The following RPH3A variants were observed in gnomAD, a reference collection of about 807,000 sequenced individuals.
The protein encoded by RPH3A is rabphilin-3A.
In RPH3A, 48 loss-of-function variants were observed where a neutral mutation model predicts 102.2. The ratio of observed to expected loss-of-function variants is 0.47; its 90% CI spans 0.37 to 0.60. RPH3A has a LOEUF of 0.60. Among genes scored for constraint, RPH3A ranks in the 20% least tolerant of loss-of-function variants. The pLI, the probability that RPH3A is intolerant of heterozygous loss-of-function variation, is 0.00. For missense variants in RPH3A, 781 were observed against 910.1 expected, an observed-to-expected ratio of 0.86 and a Z score of 1.83; for synonymous variants, 310 against 324.3, an observed-to-expected ratio of 0.96 and a Z score of 0.47.
intron 5 of RPH3A, among the ~76,000 whole-genome samples, 193 bp from the exon 6 acceptor site, chr12:112,865,221 G>A (rs2042588067): frequency 6.6e-6 from 1 of 152,128 alleles, no homozygotes; most frequent in African/African-American, 2.4e-5. Context: ...GTGGGAGGGA[G>A]GTCTTTGGTA....
chr12:112,674,500 C>T (rs1321919200), intron 1 of RPH3A, among the ~76,000 whole-genome samples: 2 of 152,170 alleles, frequency 1.3e-5, no homozygotes, highest in Admixed American at 6.5e-5. Flanking sequence ...TGCTGGACCT[C>T]TTTTGTTGGA....
intron 1 of RPH3A, among the ~76,000 whole-genome samples, chr12:112,581,327 C>T (rs1056626656): frequency 2.0e-5 from 3 of 152,100 alleles, no homozygotes; most frequent in Non-Finnish European, 4.4e-5. Flanking sequence ...AACCATCAGA[C>T]CTCGTGAGGC....
chr12:112,704,653 G>A (rs2040416371), intron 1 of RPH3A, among the ~76,000 whole-genome samples: 1 of 152,218 alleles, frequency 6.6e-6, no homozygotes, highest in Non-Finnish European at 1.5e-5. Context: ...CAGTCCTGCT[G>A]ATGGGGGATG....
intron 1 of RPH3A, among the ~76,000 whole-genome samples, chr12:112,774,630 C>T (rs919546896): frequency 3.3e-5 from 5 of 152,162 alleles, no homozygotes; most frequent in African/African-American, 4.8e-5. Flanking sequence ...GTCCTTTGCA[C>T]ATGGATGAAG....
intron 2 of RPH3A, among the ~76,000 whole-genome samples, chr12:112,808,305 A>G (rs918269474): frequency 1.3e-5 from 2 of 152,234 alleles, no homozygotes; most frequent in African/African-American, 4.8e-5. Flanking sequence ...TAACCTGATT[A>G]ATCACATTAA....
At chr12:112,706,440 T>G (rs943150188) in intron 1 of RPH3A, among the ~76,000 whole-genome samples, 1 of 152,180 alleles carries the variant, frequency 6.6e-6, no homozygotes, top group South Asian at 2.1e-4. Context: ...TTCTATTCTC[T>G]TCTCCTTTTC....
chr12:112,688,775 A>C (rs2136020743), intron 1 of RPH3A, among the ~76,000 whole-genome samples: 1 of 152,346 alleles, frequency 6.6e-6, no homozygotes, highest in South Asian at 2.1e-4. Context: ...TATGTCAAAG[A>C]ATTTCCAGCC....
At chr12:112,877,569 C>A in intron 13 of RPH3A, among the ~76,000 whole-genome samples, 1 of 152,208 alleles carries the variant, frequency 6.6e-6, no homozygotes, top group East Asian at 1.9e-4. Context: ...TGGGTGGGGA[C>A]ATTACCAGTT....
At chr12:112,576,067 T>C (rs1436739219) in intron 1 of RPH3A, among the ~76,000 whole-genome samples, 1 of 152,216 alleles carries the variant, frequency 6.6e-6, no homozygotes, top group Non-Finnish European at 1.5e-5. Context: ...TATTCATTCA[T>C]TGAATCCTCA....
intron 1 of RPH3A, among the ~76,000 whole-genome samples, chr12:112,726,822 A>C (rs1426287168): frequency 2.0e-5 from 3 of 152,160 alleles, no homozygotes; most frequent in Admixed American, 6.5e-5. Context: ...CAGGAGTTCG[A>C]GACCAGACTG....
intron 5 of RPH3A, among the ~76,000 whole-genome samples, chr12:112,854,201 A>G (rs1418442789): frequency 6.6e-6 from 1 of 152,202 alleles, no homozygotes; most frequent in East Asian, 1.9e-4. Flanking sequence ...CCCAGTTGCA[A>G]CAACTAAAAA....
At chr12:112,587,899 C>T (rs369029576) in intron 1 of RPH3A, among the ~76,000 whole-genome samples, 124 of 152,184 alleles carry the variant, frequency 8.1e-4, no homozygotes, top group African/African-American at 2.8e-3. Flanking sequence ...TGTGAGCCCT[C>T]GGTGAATGTT....
At chr12:112,842,465 G>A (rs1035904586) in intron 4 of RPH3A, among the ~76,000 whole-genome samples, 2 of 152,154 alleles carry the variant, frequency 1.3e-5, no homozygotes, top group African/African-American at 4.8e-5. Flanking sequence ...TCCTAAGGTT[G>A]CACATCCAGG....
rs897757907 is a variant in RPH3A at position 112,780,145 on chromosome 12, T to C, written c.-139-11998T>C. On this transcript the variant is annotated intron_variant, in intron 1 of 21. Transcript: ENST00000543106. ...TCTGTTCTTCCTTTTCTCCCCTTTATGTAACCAGCACTCTCATAATGCCTC... is the reference window on the plus strand; with the variant it reads ...TCTGTTCTTCCTTTTCTCCCCTTTACGTAACCAGCACTCTCATAATGCCTC... Among the ~76,000 whole-genome samples the C allele has an allele frequency of 5.3e-5, 8 of 152,324 alleles. No homozygotes were observed. In the South Asian group the frequency reaches 1.7e-3, roughly 32 times the overall value.
At chr12:112,796,457 T>C (rs1020476985) in intron 2 of RPH3A, among the ~76,000 whole-genome samples, 2 of 152,190 alleles carry the variant, frequency 1.3e-5, no homozygotes, top group African/African-American at 4.8e-5. Context: ...TGCTCAGCAA[T>C]GACTTACTGA....
chr12:112,685,198 A>T (rs1415460507), intron 1 of RPH3A, among the ~76,000 whole-genome samples: 1 of 152,192 alleles, frequency 6.6e-6, no homozygotes, highest in Non-Finnish European at 1.5e-5. Flanking sequence ...CAGCCTCCCC[A>T]AGTGGTGGGA....
intron 1 of RPH3A, among the ~76,000 whole-genome samples, chr12:112,593,625 C>T (rs2039494181): frequency 6.6e-6 from 1 of 152,178 alleles, no homozygotes; most frequent in Non-Finnish European, 1.5e-5. Flanking sequence ...CTCTTTTTCT[C>T]ATAGATGGTG....
chr12:112,870,652 A>AG (rs1429554204), intron 10 of RPH3A, among the ~76,000 whole-genome samples: 5 of 152,178 alleles, frequency 3.3e-5, no homozygotes, highest in Non-Finnish European at 7.3e-5. Context: ...TTTTGCAGGA[A>AG]GGGGCTGTGT....
At chr12:112,599,657 T>C (rs1372153987) in intron 1 of RPH3A, among the ~76,000 whole-genome samples, 1 of 152,204 alleles carries the variant, frequency 6.6e-6, no homozygotes, top group Non-Finnish European at 1.5e-5. Flanking sequence ...CTTTGGGACT[T>C]AAAAATTTTA....
Sources: gnomAD v4.1 joint callset for allele counts (sites outside exome capture counted in the v4.1 genomes callset) on GRCh38, gnomAD v4.1.1 for gene constraint, MANE v1.5 for transcripts, NCBI Gene and HGNC (gene_info 2026-07-23, HGNC 2026-07-21) for gene names.